Variants in CSMD2 observed in about 807,000 individuals in gnomAD.
CSMD2 encodes the protein CUB and Sushi multiple domains 2.
CSMD2 carries 130 observed loss-of-function variants against 398.5 expected under a neutral mutation model. The observed-to-expected ratio is 0.33, with a 90% CI of 0.28 to 0.38. The LOEUF is 0.38. Ranked by LOEUF, CSMD2 falls within the 10% of genes least tolerant of loss-of-function variation. CSMD2 has a pLI of 1.00. For synonymous variants in CSMD2, 1,828 were observed against 1,908.5 expected (o/e 0.96, Z 1.10); for missense variants, 3,829 against 4,764.9 (o/e 0.80, Z 5.78).
chr1:33,985,444 G>A (rs377664201), intron 3 of CSMD2, among the ~76,000 whole-genome samples: 4 of 152,218 alleles, frequency 2.6e-5, no homozygotes, highest in South Asian at 4.1e-4. Context: ...AAGGCAGGAC[G>A]TAGCCACGTC....
intron 5 of CSMD2, among the ~76,000 whole-genome samples, chr1:33,848,067 A>T (rs1348847123): frequency 6.6e-6 from 1 of 152,176 alleles, no homozygotes; most frequent in Non-Finnish European, 1.5e-5. Context: ...ACTCTTTTGC[A>T]TAGGTCCTTA....
In CSMD2 at chr1:33,825,692, C is replaced by T. The variant is rs1405682638; in HGVS notation, c.1111+5G>A. ...CGGCAGGCGGGCTGGCGGGCGGACA[C>T]TTACACACAGACGTCTTCTGGCTGT... On this transcript the variant is annotated splice_donor_5th_base_variant and intron_variant, in intron 7 of 70. Coordinates refer to ENST00000373381, the MANE Select transcript of CSMD2 (RefSeq NM_001281956.2). 1 of 1,602,208 alleles carries T rather than the reference C, an allele frequency of 6.2e-7. No individual in the cohort carries two copies. The highest frequency in any genetic ancestry group is 8.5e-7 in the Non-Finnish European group (1 of 1,174,224).
intron 3 of CSMD2, among the ~76,000 whole-genome samples, chr1:34,017,865 G>A (rs1468460928): frequency 6.6e-6 from 1 of 152,188 alleles, no homozygotes; most frequent in African/African-American, 2.4e-5. Flanking sequence ...ATAGAGCCAT[G>A]TGACATTTGA....
intron 11 of CSMD2, 92 bp downstream of exon 11, chr1:33,792,331 T>C (rs1654419770): frequency 1.2e-6 from 1 of 818,374 alleles, no homozygotes; most frequent in Middle Eastern, 2.3e-4. Flanking sequence ...TGCTGTAGTA[T>C]GGTCTAGGGA....
chr1:33,581,356 A>T (rs867227912), intron 47 of CSMD2, among the ~76,000 whole-genome samples: 20,381 of 120,690 alleles, frequency 0.17, 2,835 homozygotes, highest in African/African-American at 0.39. Flanking sequence ...ATCTTTACTA[A>T]AAAAAAAAAA....
intron 15 of CSMD2, among the ~76,000 whole-genome samples, chr1:33,736,742 C>T (rs1055068892): frequency 2.0e-5 from 3 of 152,180 alleles, no homozygotes; most frequent in Non-Finnish European, 4.4e-5. Context: ...TGAGACCACT[C>T]ACAGTCTTGT....
rs564441177 is a variant in CSMD2 at position 33,912,231 on chromosome 1, T to C, written c.920+5863A>G. On this transcript the variant is annotated intron_variant, in intron 5 of 70. Coordinates refer to ENST00000373381, the MANE Select transcript of CSMD2 (RefSeq NM_001281956.2). Reference sequence around the variant, plus strand: ...CCCATCCAGGGTGATCCGAGTGAAATAGATAAAAAAAGAAAATCAATATAC... The same window carrying C: ...CCCATCCAGGGTGATCCGAGTGAAACAGATAAAAAAAGAAAATCAATATAC... Among the ~76,000 whole-genome samples the C allele has an allele frequency of 1.1e-4, 17 of 151,450 alleles. No homozygotes were observed. In the South Asian group the frequency reaches 1.5e-3, roughly 13 times the overall value.
At chr1:34,060,651 CTT>C (rs112747275) in intron 2 of CSMD2, among the ~76,000 whole-genome samples, 1,516 of 144,674 alleles carry the variant, frequency 0.01, 23 homozygotes, top group African/African-American at 0.033. Flanking sequence ...TCCCTGTTTC[CTT>C]TTTTTTTTTT....
At chr1:33,887,316 C>A (rs1641668832) in intron 5 of CSMD2, among the ~76,000 whole-genome samples, 1 of 151,488 alleles carries the variant, frequency 6.6e-6, no homozygotes, top group Non-Finnish European at 1.5e-5. Context: ...CGAGGAACAG[C>A]CTAAATGTTC....
At chr1:33,524,159 T>C (rs1291241747) in intron 66 of CSMD2, among the ~76,000 whole-genome samples, 1 of 152,212 alleles carries the variant, frequency 6.6e-6, no homozygotes, top group African/African-American at 2.4e-5. Flanking sequence ...TTATAATGAA[T>C]GCATTTCCCT....
intron 20 of CSMD2, 58 bp downstream of exon 20, chr1:33,716,225 CAGA>C: frequency 1.5e-6 from 2 of 1,372,336 alleles, no homozygotes; most frequent in Non-Finnish European, 2.1e-6. Flanking sequence ...AGACTGGTAG[CAGA>C]AGGAGAGAGC....
chr1:33,794,308 G>A (rs921711849), intron 10 of CSMD2, among the ~76,000 whole-genome samples: 15 of 152,204 alleles, frequency 9.9e-5, no homozygotes, highest in African/African-American at 1.4e-4. Context: ...CTGTGAGCAC[G>A]TCAGTGGGTC....
At position 33,623,374 on chromosome 1, in the gene CSMD2, G is replaced by T; in HGVS notation, c.5718C>A (p.Phe1906Leu). 1 of 1,613,872 alleles carries T rather than the reference G, an allele frequency of 6.2e-7. No homozygotes were observed. The highest frequency in any genetic ancestry group is 8.5e-7 in the Non-Finnish European group (1 of 1,179,778). The change falls in exon 36 of 71, where the codon TTC (phenylalanine) becomes TTA (leucine). Residue 1906 changes from phenylalanine (F) to leucine (L), a missense_variant. Physicochemically the swap from Phe to Leu is conservative, Grantham distance 22. Transcript: ENST00000373381. Reference protein sequence around the residue: ...ADNTVTMLGSFSGTTVPALLN... With the variant: ...ADNTVTMLGSLSGTTVPALLN... ...GCCCCTGGAAACCCAGCTTACCTGA[G>T]AAACTCCCCAGCATGGTTACAGTGT...
chr1:34,099,726 G>T (rs1368566796), intron 1 of CSMD2, among the ~76,000 whole-genome samples: 1 of 152,234 alleles, frequency 6.6e-6, no homozygotes, highest in African/African-American at 2.4e-5. Flanking sequence ...AGCACAGAAA[G>T]ACTAAGATGA....
chr1:33,942,515 C>G (rs1298143315), intron 3 of CSMD2, among the ~76,000 whole-genome samples: 28 of 152,226 alleles, frequency 1.8e-4, no homozygotes, highest in Admixed American at 1.8e-3. Context: ...GGGCTTTGCC[C>G]TAACCATTGT....
chr1:34,009,203 A>T (rs1177604415), intron 3 of CSMD2, among the ~76,000 whole-genome samples: 1 of 151,958 alleles, frequency 6.6e-6, no homozygotes, highest in Non-Finnish European at 1.5e-5. Flanking sequence ...TGTCTCTCCT[A>T]TGAGAAAAAC....
intron 26 of CSMD2, among the ~76,000 whole-genome samples, chr1:33,660,039 C>G (rs1205683924): frequency 6.6e-6 from 1 of 152,126 alleles, no homozygotes; most frequent in Non-Finnish European, 1.5e-5. Flanking sequence ...GTAAATGTTC[C>G]CCTAGAAGAA....
chr1:33,538,974 A>ATT (rs530685979), intron 60 of CSMD2, among the ~76,000 whole-genome samples: 1 of 147,560 alleles, frequency 6.8e-6, no homozygotes, highest in African/African-American at 2.5e-5. Context: ...AAAGAAAGGC[A>ATT]TTTTTTTTTT....
At chr1:34,027,339 A>G (rs2148134099) in intron 3 of CSMD2, among the ~76,000 whole-genome samples, 1 of 152,278 alleles carries the variant, frequency 6.6e-6, no homozygotes, top group South Asian at 2.1e-4. Context: ...GTCATTTTCC[A>G]CCCATTTTAA....
Sources: gnomAD v4.1 joint callset for allele counts (sites outside exome capture counted in the v4.1 genomes callset) on GRCh38, gnomAD v4.1.1 for gene constraint, MANE v1.5 for transcripts, NCBI Gene and HGNC (gene_info 2026-07-23, HGNC 2026-07-21) for gene names.